Variants in CYP2C18 observed in about 807,000 individuals in gnomAD.
CYP2C18 encodes the protein cytochrome P450 family 2 subfamily C member 18.
A neutral mutation model predicts 41.3 loss-of-function variants in CYP2C18; 38 were observed. The ratio of observed to expected loss-of-function variants is 0.92; its 90% CI spans 0.71 to 1.21. The LOEUF (loss-of-function observed/expected upper bound fraction) is 1.21. Among genes scored for constraint, CYP2C18 ranks in the 50% most tolerant of loss-of-function variants. CYP2C18 has a pLI of 0.00. For synonymous variants in CYP2C18, 236 were observed against 210.0 expected (o/e 1.12, Z -1.07); for missense variants, 635 against 591.4 (o/e 1.07, Z -0.77).
chr10:94,732,209 CAT>C (rs1278344520), intron 7 of CYP2C18, among the ~76,000 whole-genome samples: 4 of 152,190 alleles, frequency 2.6e-5, no homozygotes, highest in Non-Finnish European at 5.9e-5. Flanking sequence ...GGCCAATAAA[CAT>C]ATGAAAAAAT....
In CYP2C18 at chr10:94,706,905, T is replaced by G. The variant is rs754900853; in HGVS notation, c.764T>G (p.Leu255Arg). The G allele has an allele frequency of 1.1e-5, 17 of 1,612,744 alleles. No homozygotes were observed. Among genetic ancestry groups the G allele is most frequent in the Non-Finnish European group, 1.4e-5 (16 of 1,179,400 alleles). ...LERIKEHQES[L>R]DMNSARDFID... ...AGAATAAAAGAACATCAAGAATCCCTGGACATGAACAGTGCTCGGGACTTT... is the reference window on the plus strand; with the variant it reads ...AGAATAAAAGAACATCAAGAATCCCGGGACATGAACAGTGCTCGGGACTTT... Residue 255 changes from leucine to arginine, a missense_variant, in exon 5 of 9, where the codon CTG (leucine) becomes CGG (arginine). Leu to Arg is a moderately radical substitution (Grantham distance 102). Transcript: ENST00000285979.
At chr10:94,735,202 C>G in intron 8 of CYP2C18, 61 bp from the exon 9 acceptor site, 1 of 1,497,308 alleles carries the variant, frequency 6.7e-7, no homozygotes, top group Non-Finnish European at 9.3e-7. Flanking sequence ...ACTGCATACT[C>G]TTTGTGACTG....
Position 94,733,373 on chromosome 10 carries a change from C to T in CYP2C18, c.1226C>T (p.Pro409Leu), listed in dbSNP as rs775975146. ...KEFPNPEMFD[P>L]GHFLDKSGNF... ...TTCCCCAACCCAGAGATGTTTGACCCTGGCCACTTTCTGGATAAGAGTGGC... is the reference window on the plus strand; with the variant it reads ...TTCCCCAACCCAGAGATGTTTGACCTTGGCCACTTTCTGGATAAGAGTGGC... The change falls in exon 8 of 9, where the codon CCT becomes CTT. Residue 409 changes from proline to leucine, a missense_variant. Transcript: ENST00000285979. 5.6e-6 allele frequency: 9 copies of T among 1,613,336 alleles called. No homozygotes were observed. The highest frequency in any genetic ancestry group is 1.1e-5 in the South Asian group (1 of 91,052).
intron 4 of CYP2C18, among the ~76,000 whole-genome samples, chr10:94,705,309 AAGG>A (rs1847321683): frequency 6.6e-6 from 1 of 152,196 alleles, no homozygotes; most frequent in South Asian, 2.1e-4. Flanking sequence ...GGAGCTGAAC[AAGG>A]AGAACACATG....
Position 94,694,974 on chromosome 10 carries a change from C to G in CYP2C18, c.539C>G (p.Ser180Cys), listed in dbSNP as rs1401433510. The change falls in exon 4 of 9, where the codon TCT (serine) becomes TGT (cysteine). Residue 180 changes from serine (S) to cysteine (C), a missense_variant. Transcript: ENST00000285979. ...LGCAPCNVIC[S>C]VIFHDRFDYK... ...TGTGCTCCCTGCAATGTGATCTGCT[C>G]TGTTATTTTCCATGATCGATTTGAT... 1.9e-6 allele frequency: 3 copies of G among 1,613,266 alleles called. No individual in the cohort carries two copies. Among genetic ancestry groups the G allele is most frequent in the Admixed American group, 3.3e-5 (2 of 60,000 alleles).
chr10:94,698,364 A>C (rs199768606), intron 4 of CYP2C18, among the ~76,000 whole-genome samples: 3 of 152,122 alleles, frequency 2.0e-5, no homozygotes, highest in Non-Finnish European at 4.4e-5. Flanking sequence ...AACTGAACAA[A>C]CTGCTCCTGA....
intron 3 of CYP2C18, among the ~76,000 whole-genome samples, chr10:94,694,207 A>C (rs1176431403): frequency 6.6e-6 from 1 of 152,122 alleles, no homozygotes; most frequent in Non-Finnish European, 1.5e-5. Context: ...TTCTTTGAAT[A>C]TTGAAATAAG....
chr10:94,688,703 G>C (rs1233781620), intron 3 of CYP2C18, among the ~76,000 whole-genome samples: 1 of 152,120 alleles, frequency 6.6e-6, no homozygotes, highest in Non-Finnish European at 1.5e-5. Flanking sequence ...GAGTATAAAA[G>C]GCTCATTTAA....
chr10:94,702,071 T>A (rs1311557785), intron 4 of CYP2C18, among the ~76,000 whole-genome samples: 2 of 152,240 alleles, frequency 1.3e-5, no homozygotes, highest in African/African-American at 4.8e-5. Flanking sequence ...CCCCACTCTC[T>A]TCTGGCTTGT....
chr10:94,704,753 A>G (rs982395019), intron 4 of CYP2C18, among the ~76,000 whole-genome samples: 1 of 152,158 alleles, frequency 6.6e-6, no homozygotes, highest in Admixed American at 6.6e-5. Context: ...CTTAGTATAC[A>G]TAGGCACTTT....
intron 5 of CYP2C18, among the ~76,000 whole-genome samples, chr10:94,710,194 C>T (rs1465448152): frequency 6.6e-6 from 1 of 152,238 alleles, no homozygotes; most frequent in Middle Eastern, 3.2e-3. Flanking sequence ...TGGCCTCCAA[C>T]TGCTGGCCTC....
chr10:94,698,143 T>C (rs993099479), intron 4 of CYP2C18, among the ~76,000 whole-genome samples: 4 of 152,190 alleles, frequency 2.6e-5, no homozygotes, highest in African/African-American at 9.7e-5. Flanking sequence ...AATAGACATC[T>C]GCAGAACTCT....
intron 3 of CYP2C18, among the ~76,000 whole-genome samples, chr10:94,690,776 A>G (rs1328229224): frequency 6.6e-6 from 1 of 152,216 alleles, no homozygotes; most frequent in Non-Finnish European, 1.5e-5. Context: ...AAAATCCTCA[A>G]TAAAATACTG....
chr10:94,716,528 G>A (rs1175159098), intron 5 of CYP2C18, among the ~76,000 whole-genome samples: 3 of 152,202 alleles, frequency 2.0e-5, no homozygotes, highest in African/African-American at 4.8e-5. Flanking sequence ...TAGTTTGATT[G>A]TACTGTGGTC....
chr10:94,687,071 CAG>C (rs770292183), intron 1 of CYP2C18, among the ~76,000 whole-genome samples: 7 of 152,120 alleles, frequency 4.6e-5, no homozygotes, highest in Admixed American at 2.0e-4. Flanking sequence ...TGGGTGGTAA[CAG>C]AATATTTATG....
chr10:94,695,463 G>T (rs1847098948), intron 4 of CYP2C18, among the ~76,000 whole-genome samples: 1 of 152,112 alleles, frequency 6.6e-6, no homozygotes, highest in African/African-American at 2.4e-5. Flanking sequence ...CCCGGCCAAG[G>T]ACATGAACTC....
chr10:94,723,313 G>C (rs1042652172), intron 6 of CYP2C18, among the ~76,000 whole-genome samples: 6 of 152,240 alleles, frequency 3.9e-5, no homozygotes, highest in Non-Finnish European at 8.8e-5. Context: ...CAGGGAGGCT[G>C]CTGGATACCA....
intron 5 of CYP2C18, among the ~76,000 whole-genome samples, chr10:94,715,468 A>G (rs2134197886): frequency 6.6e-6 from 1 of 152,282 alleles, no homozygotes; most frequent in Admixed American, 6.5e-5. Flanking sequence ...GGTTCTGTTT[A>G]TATGCTGGAT....
At chr10:94,687,985 G>T in intron 2 of CYP2C18, 53 bp downstream of exon 2, 1 of 1,601,174 alleles carries the variant, frequency 6.2e-7, no homozygotes, top group Non-Finnish European at 8.5e-7. Context: ...CTGGGCAGTG[G>T]CTATAGGGAT....
Sources: allele counts gnomAD v4.1 joint callset (sites outside exome capture counted in the v4.1 genomes callset), GRCh38; gene constraint gnomAD v4.1.1; transcripts MANE v1.5; gene names NCBI Gene and HGNC (gene_info 2026-07-23, HGNC 2026-07-21).